CEP350: variants seen among roughly 807,000 people sequenced by gnomAD.
CEP350 encodes centrosomal protein 350.
CEP350 carries 126 observed loss-of-function variants against 331.8 expected under a neutral mutation model. That is an observed-to-expected ratio of 0.38 (90% CI 0.33 to 0.44). CEP350 has a LOEUF of 0.44. CEP350 is among the 20% of genes least tolerant of loss of function. CEP350 has a pLI of 1.00. For missense variants in CEP350, 3,406 were observed against 3,634.6 expected, an observed-to-expected ratio of 0.94 and a Z score of 1.62; for synonymous variants, 1,200 against 1,259.5, an observed-to-expected ratio of 0.95 and a Z score of 1.00.
At chr1:180,103,397 A>AG (rs1293124697) in intron 37 of CEP350, among the ~76,000 whole-genome samples, 1 of 152,126 alleles carries the variant, frequency 6.6e-6, no homozygotes, top group East Asian at 1.9e-4. Context: ...GAAAAAAAAA[A>AG]ATCATTTGGG....
In CEP350 at chr1:179,983,972, C is replaced by T. The variant is rs185615887; in HGVS notation, c.-13-2197C>T. ...AGCATAGATTTTTTTCCTGTTAAAT[C>T]AGCAAAAGTAGAAAGAATAGATAAT... is the stretch of plus-strand genomic sequence containing the variant. On this transcript the variant is annotated intron_variant, in intron 1 of 37. Coordinates refer to ENST00000367607, the MANE Select transcript of CEP350 (RefSeq NM_014810.5). Among the ~76,000 whole-genome samples the T allele has an allele frequency of 2.4e-3, 370 of 152,222 alleles. 2 individuals carry two copies. Among genetic ancestry groups the T allele is most frequent in the Non-Finnish European group, 3.5e-3 (238 of 67,988 alleles).
intron 14 of CEP350, among the ~76,000 whole-genome samples, chr1:180,030,317 A>ATATGTATATATATACTTATGTG (rs371007302): frequency 0.017 from 2,472 of 147,376 alleles, 66 homozygotes; most frequent in African/African-American, 0.057. Flanking sequence ...GTATATATGT[A>ATATGTATATATATACTTATGTG]TATATATACA....
intron 25 of CEP350, among the ~76,000 whole-genome samples, chr1:180,060,996 T>G (rs1658196009): frequency 6.6e-6 from 1 of 152,194 alleles, no homozygotes; most frequent in Non-Finnish European, 1.5e-5. Context: ...ATGTTTTATT[T>G]CTTTACAGGA....
chr1:180,071,747 A>G (rs556082056), intron 27 of CEP350, among the ~76,000 whole-genome samples: 191 of 151,612 alleles, frequency 1.3e-3, no homozygotes, highest in African/African-American at 4.4e-3. Context: ...GTGCCACTGC[A>G]CTCCAGCCTG....
chr1:180,015,920 A>G lies in CEP350; in HGVS notation c.2124A>G (p.Ala708=), dbSNP rs765610961. ...AAGTACAGGAACGTCCCCCAAGTGC[A>G]TCTTCCAGTAGTGACATGTCTCTCT... ...ENKVQERPPS[A]SSSSDMSLSE... The change falls in exon 11 of 38, where the codon GCA becomes GCG. Residue 708 remains alanine (A), a synonymous_variant. Transcript: ENST00000367607. 7 of 1,613,818 alleles carry G rather than the reference A, an allele frequency of 4.3e-6. No individual in the cohort carries two copies. The highest frequency in any genetic ancestry group is 4.0e-5 in the African/African-American group (3 of 74,936).
intron 20 of CEP350, among the ~76,000 whole-genome samples, chr1:180,043,778 G>T (rs1304642036): frequency 4.0e-5 from 1 of 24,898 alleles, no homozygotes; most frequent in East Asian, 2.4e-3. Context: ...ATATTTGTGT[G>T]TGTGTGTGTG....
intron 1 of CEP350, among the ~76,000 whole-genome samples, chr1:179,972,260 CG>C (rs1651505348): frequency 3.9e-5 from 6 of 151,956 alleles, no homozygotes; most frequent in Non-Finnish European, 2.9e-5. Context: ...GGTCGCCCAG[CG>C]AGAGAGTATA....
At chr1:179,977,685 C>T (rs1416493714) in intron 1 of CEP350, among the ~76,000 whole-genome samples, 1 of 152,122 alleles carries the variant, frequency 6.6e-6, no homozygotes, top group Non-Finnish European at 1.5e-5. Context: ...TTACTGTACA[C>T]TATGTAGACT....
intron 25 of CEP350, among the ~76,000 whole-genome samples, chr1:180,055,416 G>C (rs1344564206): frequency 1.3e-5 from 2 of 152,116 alleles, no homozygotes; most frequent in South Asian, 4.1e-4. Context: ...CTGTTGTCAG[G>C]TGCTAGCTAC....
At position 179,992,188 on chromosome 1, in the gene CEP350, G is replaced by A. The variant is rs973419384; in HGVS notation, c.362G>A (p.Arg121His). The A allele has an allele frequency of 4.8e-5, 72 of 1,505,644 alleles. No homozygotes were observed. The highest frequency in any genetic ancestry group is 1.7e-4 in the Middle Eastern group (1 of 5,868). The allele number at this position is 1,505,644 out of a possible 1,614,324, so 93.3% of individuals were successfully genotyped here. A position where few individuals can be genotyped will look rare whatever the true frequency, so the allele number is the denominator to read the frequency against. The part of the protein sequence containing the change: ...TLESNVKKNN[R>H]VEFREPLVSY... ...GAGAGTAATGTGAAGAAAAATAATC[G>A]TGTGGAATTTCGTGAACCTTTGGTT... The change falls in exon 5 of 38, where the codon CGT becomes CAT. Residue 121 changes from arginine (R) to histidine (H), a missense_variant. Around this residue, in one of 5 missense-constraint regions of CEP350, gnomAD observed 1,857 missense variants for 1,909.2 expected, o/e 0.97. Transcript: ENST00000367607.
At chr1:179,975,947 G>A (rs1651830976) in intron 1 of CEP350, among the ~76,000 whole-genome samples, 2 of 152,134 alleles carry the variant, frequency 1.3e-5, no homozygotes, top group African/African-American at 4.8e-5. Context: ...TGATGAATTA[G>A]ACAGAAGTAG....
rs577174861 is a variant in CEP350, at chr1:180,068,698, T to G, written c.5567+3426T>G. 4.6e-5 allele frequency among the ~76,000 whole-genome samples: 7 copies of G among 152,284 alleles called. No individual in the cohort carries two copies. The South Asian group carries it at 8.3e-4, about 18-fold the overall frequency. Reference sequence around the variant, plus strand: ...TTTCTTTCATTTGTTAACAGTAGCTTCTTCTTCCATATTATTTATTAATTA... The same window carrying G: ...TTTCTTTCATTTGTTAACAGTAGCTGCTTCTTCCATATTATTTATTAATTA... On this transcript the variant is annotated intron_variant, in intron 27 of 37. Coordinates refer to ENST00000367607, the MANE Select transcript of CEP350 (RefSeq NM_014810.5).
At position 180,093,481 on chromosome 1, in the gene CEP350, A is replaced by G; in HGVS notation, c.7376A>G (p.Lys2459Arg). ...CATTCTGACAGGCTGTTGGAACTCA[A>G]GTCCCCTACTGAGCTGATGAAAAGT... ...NVHSDRLLEL[K>R]SPTELMKSKE... The change falls in exon 34 of 38, where the codon AAG becomes AGG. Residue 2459 changes from lysine (K) to arginine (R), a missense_variant. Coordinates refer to ENST00000367607, the MANE Select transcript of CEP350 (RefSeq NM_014810.5). The G allele has an allele frequency of 1.9e-6, 3 of 1,610,488 alleles. No homozygotes were observed. The highest frequency in any genetic ancestry group is 2.2e-5 in the South Asian group (2 of 90,522).
rs750894605 is a variant in CEP350, at chr1:180,092,926, C to G, written c.6821C>G (p.Ala2274Gly). 4.4e-6 allele frequency: 7 copies of G among 1,582,846 alleles called. No homozygotes were observed. The highest frequency in any genetic ancestry group is 1.7e-4 in the Middle Eastern group (1 of 6,042). ...TKLKKSKIED[A>G]FSKEGKSDVL... ...TTGAAGAAGAGTAAGATTGAAGATG[C>G]CTTTTCTAAAGAAGGTAAATCTGAT... Residue 2274 changes from alanine (A) to glycine (G), a missense_variant, in exon 34 of 38, where the codon GCC (alanine) becomes GGC (glycine). This residue lies in a region of CEP350 where 1,415 missense variants were observed against 1,512.3 expected (regional missense o/e 0.94). Coordinates refer to ENST00000367607, the MANE Select transcript of CEP350 (RefSeq NM_014810.5).
At chr1:179,969,377 T>C in intron 1 of CEP350, 2 of 515,594 alleles carry the variant, frequency 3.9e-6, no homozygotes, top group South Asian at 2.8e-5. Context: ...TGCAGACTGG[T>C]CTGAGGGCGT....
intron 1 of CEP350, among the ~76,000 whole-genome samples, chr1:179,985,448 G>T (rs1357286168): frequency 6.6e-6 from 1 of 152,168 alleles, no homozygotes; most frequent in Non-Finnish European, 1.5e-5. Flanking sequence ...GAATAATGCT[G>T]CTTTGAACAT....
Position 180,044,087 on chromosome 1 carries a change from A to AGGG in CEP350, c.4537_4539dup (p.Gly1513dup). ...CTGTTTCACTCTCTCAGAGTAAAGAAGGGACCCTTGACTCAAAGCATCAGA... is the reference window on the plus strand; with the variant it reads ...CTGTTTCACTCTCTCAGAGTAAAGAAGGGGGGACCCTTGACTCAAAGCATCAGA... On this transcript the variant is annotated inframe_insertion, in exon 21 of 38. Coordinates refer to ENST00000367607, the MANE Select transcript of CEP350 (RefSeq NM_014810.5). 2 of 1,556,796 alleles carry AGGG rather than the reference A, an allele frequency of 1.3e-6. No individual in the cohort carries two copies. The highest frequency in any genetic ancestry group is 8.7e-7 in the Non-Finnish European group (1 of 1,149,394).
intron 21 of CEP350, among the ~76,000 whole-genome samples, chr1:180,047,270 G>T (rs921542977): frequency 1.3e-5 from 2 of 152,160 alleles, no homozygotes; most frequent in African/African-American, 4.8e-5. Context: ...AATGTAAGGA[G>T]GAGAAAGCTT....
At chr1:180,040,155 G>T (rs771667626) in intron 17 of CEP350, among the ~76,000 whole-genome samples, 1 of 151,674 alleles carries the variant, frequency 6.6e-6, no homozygotes, top group Admixed American at 6.6e-5. Flanking sequence ...GCCACTGCCC[G>T]ACTAAATAAC....
Sources: gnomAD v4.1 joint callset for allele counts (sites outside exome capture counted in the v4.1 genomes callset) on GRCh38, gnomAD v4.1.1 for gene constraint, gnomAD v4.1.1 regional missense constraint, MANE v1.5 for transcripts, NCBI Gene and HGNC (gene_info 2026-07-23, HGNC 2026-07-21) for gene names.